Variants in ZFAND3 observed in about 807,000 individuals in gnomAD.
ZFAND3 encodes zinc finger AN1-type containing 3.
Under a neutral mutation model 29.6 loss-of-function variants are expected in ZFAND3, and 10 were observed. The ratio of observed to expected loss-of-function variants is 0.34; its 90% confidence interval spans 0.21 to 0.57. The LOEUF (loss-of-function observed/expected upper bound fraction) is 0.57. Ranked by LOEUF, ZFAND3 falls within the 20% of genes least tolerant of loss-of-function variation. The probability of loss-of-function intolerance (pLI) is 0.86; values close to 1 mark genes in which losing one functional copy is unlikely to be tolerated. For missense variants in ZFAND3, 230 were observed against 304.5 expected, an observed-to-expected ratio of 0.76 and a Z score of 1.82; for synonymous variants, 128 against 112.6, an observed-to-expected ratio of 1.14 and a Z score of -0.87.
chr6:38,084,863 G>A (rs187235146), intron 4 of ZFAND3, among the ~76,000 whole-genome samples: 31 of 152,332 alleles, frequency 2.0e-4, no homozygotes, highest in Admixed American at 7.2e-4. Flanking sequence ...GGACATTAAA[G>A]GTCATCAAGT....
chr6:38,085,160 G>T (rs1412628473), intron 4 of ZFAND3, among the ~76,000 whole-genome samples: 2 of 152,162 alleles, frequency 1.3e-5, no homozygotes, highest in Non-Finnish European at 2.9e-5. Flanking sequence ...TAGCCTTTAT[G>T]TCTAGGCTCT....
At chr6:37,903,426 A>G (rs1225334538) in intron 1 of ZFAND3, among the ~76,000 whole-genome samples, 3 of 152,214 alleles carry the variant, frequency 2.0e-5, no homozygotes, top group African/African-American at 7.2e-5. Context: ...TTTTCTGGGA[A>G]CTTCATCATT....
intron 1 of ZFAND3, among the ~76,000 whole-genome samples, chr6:37,874,514 C>CAAAAA (rs11447694): frequency 1.3e-5 from 1 of 79,790 alleles, no homozygotes; most frequent in Admixed American, 1.6e-4. Context: ...AACTCCGTCT[C>CAAAAA]AAAAAAAAAA....
intron 4 of ZFAND3, among the ~76,000 whole-genome samples, chr6:38,096,478 T>G (rs1434804341): frequency 3.3e-5 from 5 of 152,224 alleles, no homozygotes; most frequent in Admixed American, 3.3e-4. Context: ...GCCAGGGTTG[T>G]GTTTTTATAA....
intron 3 of ZFAND3, chr6:38,062,352 G>A (rs954053944): frequency 4.6e-5 from 7 of 151,956 alleles, no homozygotes; most frequent in African/African-American, 1.7e-4. Flanking sequence ...GTGTTGGAAT[G>A]CTATTATGTA....
At chr6:37,839,169 T>C (rs964000462) in intron 1 of ZFAND3, among the ~76,000 whole-genome samples, 2 of 147,490 alleles carry the variant, frequency 1.4e-5, no homozygotes, top group South Asian at 4.3e-4. Context: ...CCTTTTTACT[T>C]GTAAGTTGTA....
At chr6:37,875,322 T>A (rs1764771916) in intron 1 of ZFAND3, among the ~76,000 whole-genome samples, 1 of 152,254 alleles carries the variant, frequency 6.6e-6, no homozygotes, top group Non-Finnish European at 1.5e-5. Flanking sequence ...TTTGTAGAGA[T>A]GCTTTTAAGG....
chr6:38,059,836 A>G (rs1221223016), intron 2 of ZFAND3, among the ~76,000 whole-genome samples: 2 of 152,162 alleles, frequency 1.3e-5, no homozygotes, highest in Non-Finnish European at 2.9e-5. Context: ...AGATCATGCC[A>G]CTGCACTTCA....
intron 2 of ZFAND3, among the ~76,000 whole-genome samples, chr6:37,981,777 A>C (rs1193406613): frequency 5.9e-5 from 9 of 152,118 alleles, no homozygotes. Context: ...TAGGAAGTTT[A>C]TTTTGCCAGG....
Position 38,023,486 on chromosome 6 carries a change from A to G in ZFAND3, c.113-38107A>G, listed in dbSNP as rs142516698. 6.5e-4 allele frequency among the ~76,000 whole-genome samples: 99 copies of G among 152,302 alleles called. No individual in the cohort carries two copies. The East Asian group carries it at 0.017, about 27-fold the overall frequency. ...TTGATTTAGCCATTCCACAATGTGT[A>G]TATATTTTGAAACAACATGTTGTGT... is the stretch of plus-strand genomic sequence containing the variant. On this transcript the variant is annotated intron_variant, in intron 2 of 5. Transcript: ENST00000287218.
intron 2 of ZFAND3, among the ~76,000 whole-genome samples, chr6:37,977,869 T>TTCCTTCC (rs374121487): frequency 1.3e-4 from 12 of 94,802 alleles, no homozygotes; most frequent in Non-Finnish European, 1.6e-4. Context: ...CCTTCCTTCC[T>TTCCTTCC]TTCCTTCTTC....
chr6:37,973,393 G>A (rs1762424166), intron 2 of ZFAND3, among the ~76,000 whole-genome samples: 1 of 152,148 alleles, frequency 6.6e-6, no homozygotes, highest in African/African-American at 2.4e-5. Flanking sequence ...AGTTTCTGAA[G>A]AACTAAAGAG....
intron 1 of ZFAND3, among the ~76,000 whole-genome samples, chr6:37,900,217 G>T (rs535815171): frequency 6.6e-6 from 1 of 152,048 alleles, no homozygotes; most frequent in Non-Finnish European, 1.5e-5. Flanking sequence ...GTTTTTCTGC[G>T]TATGTGTGGG....
intron 1 of ZFAND3, among the ~76,000 whole-genome samples, chr6:37,910,310 A>G (rs967231613): frequency 6.6e-6 from 1 of 151,458 alleles, no homozygotes; most frequent in Non-Finnish European, 1.5e-5. Flanking sequence ...AAAATGATTA[A>G]CTCATTTAAT....
chr6:38,147,192 C>G (rs766997038), intron 5 of ZFAND3, among the ~76,000 whole-genome samples: 10 of 152,182 alleles, frequency 6.6e-5, no homozygotes, highest in Non-Finnish European at 1.3e-4. Flanking sequence ...CACTCTCTAC[C>G]TCCATGTGTT....
chr6:37,823,297 T>C (rs1287593724), intron 1 of ZFAND3, among the ~76,000 whole-genome samples: 2 of 152,142 alleles, frequency 1.3e-5, no homozygotes, highest in Non-Finnish European at 2.9e-5. Flanking sequence ...AAGGTGAATA[T>C]GTTTTAAAAA....
At chr6:37,939,159 G>A (rs757061552) in intron 2 of ZFAND3, among the ~76,000 whole-genome samples, 1 of 152,136 alleles carries the variant, frequency 6.6e-6, no homozygotes, top group Non-Finnish European at 1.5e-5. Context: ...TACACTTGGT[G>A]GTTTAAAACA....
At chr6:37,922,151 A>C (rs1211434246) in intron 1 of ZFAND3, among the ~76,000 whole-genome samples, 1 of 152,186 alleles carries the variant, frequency 6.6e-6, no homozygotes, top group African/African-American at 2.4e-5. Flanking sequence ...CTTACCTGGA[A>C]GGTAATTTTG....
At chr6:37,972,467 CAGT>C (rs1762406481) in intron 2 of ZFAND3, among the ~76,000 whole-genome samples, 1 of 152,176 alleles carries the variant, frequency 6.6e-6, no homozygotes, top group Admixed American at 6.5e-5. Flanking sequence ...TATGGCTCCT[CAGT>C]AGTTTTTGGA....
Sources: gnomAD v4.1 joint callset for allele counts (sites outside exome capture counted in the v4.1 genomes callset) on GRCh38, gnomAD v4.1.1 for gene constraint, MANE v1.5 for transcripts, NCBI Gene and HGNC (gene_info 2026-07-23, HGNC 2026-07-21) for gene names.